Variants in ADH1A observed in about 807,000 individuals in gnomAD.
The protein encoded by ADH1A is alcohol dehydrogenase 1A (class I), alpha polypeptide, also known as alcohol dehydrogenase 1A.
ADH1A carries 29 observed loss-of-function variants against 35.2 expected under a neutral mutation model. The observed-to-expected ratio is 0.82, with a 90% CI of 0.61 to 1.12. The LOEUF (loss-of-function observed/expected upper bound fraction) is 1.12. Ranked by LOEUF, ADH1A falls within the 50% of genes most tolerant of loss-of-function variation. ADH1A has a pLI of 0.00. For missense variants in ADH1A, 469 were observed against 464.7 expected (o/e 1.01, Z -0.09); for synonymous variants, 147 against 164.8 (o/e 0.89, Z 0.83).
rs752547387 is a variant in ADH1A at position 99,279,462 on chromosome 4, A to AT, written c.1066dup (p.Ile356AsnfsTer3). The AT allele has an allele frequency of 1.9e-6, 3 of 1,608,262 alleles. No individual in the cohort carries two copies. The South Asian group carries it at 3.4e-5, about 18-fold the overall frequency. On this transcript the variant is annotated frameshift_variant, in exon 8 of 9. Coordinates refer to ENST00000209668, the MANE Select transcript of ADH1A (RefSeq NM_000667.4). LOFTEE classifies it high-confidence loss of function. ...GTGAAGCAGGTCAAATCCTTCATTT[A>AT]TTTTTTCAAAAGGTAAAACATGGGT...
intron 1 of ADH1A, 130 bp from the exon 2 acceptor site, chr4:99,287,795 A>T (rs1733193132): frequency 2.2e-6 from 2 of 912,882 alleles, no homozygotes; most frequent in Non-Finnish European, 3.3e-6. Context: ...TATAGAAATG[A>T]TCACCTCTGA....
At chr4:99,284,972 G>A (rs1448417128) in intron 3 of ADH1A, among the ~76,000 whole-genome samples, 169 bp from the exon 4 acceptor site, 1 of 152,148 alleles carries the variant, frequency 6.6e-6, no homozygotes, top group African/African-American at 2.4e-5. Context: ...CCACAGCCTT[G>A]TTTCCAGTTT....
At chr4:99,289,169 T>A (rs1271079001) in intron 1 of ADH1A, among the ~76,000 whole-genome samples, 1 of 152,180 alleles carries the variant, frequency 6.6e-6, no homozygotes, top group East Asian at 1.9e-4. Flanking sequence ...AATGGCTGAG[T>A]AGTATTCCAT....
At chr4:99,285,604 ATTAG>A (rs1194079803) in intron 3 of ADH1A, among the ~76,000 whole-genome samples, 1 of 152,270 alleles carries the variant, frequency 6.6e-6, no homozygotes, top group East Asian at 1.9e-4. Context: ...TTTAGTAGTT[ATTAG>A]TTATTATTCA....
At chr4:99,282,958 TACAATCTTGAA>T (rs1560517855) in intron 5 of ADH1A, among the ~76,000 whole-genome samples, 2 of 152,198 alleles carry the variant, frequency 1.3e-5, no homozygotes, top group African/African-American at 2.4e-5. Context: ...TGGCAGTGAT[TACAATCTTGAA>T]GGGACTCTCG....
Position 99,284,430 on chromosome 4 carries a change from G to A in ADH1A, c.536C>T (p.Thr179Ile). The change falls in exon 5 of 9, where the codon ACT (threonine) becomes ATT (isoleucine). Residue 179 changes from threonine to isoleucine, a missense_variant. Thr to Ile is a moderately conservative substitution (Grantham distance 89, BLOSUM62 -1). Coordinates refer to ENST00000209668, the MANE Select transcript of ADH1A (RefSeq NM_000667.4). The part of the protein sequence containing the change: ...KVCLIGCGFS[T>I]GYGSAVNVAK... Reference sequence around the variant, plus strand: ...AACATTGACTGCAGACCCATAACCAGTTGAAAATCCACAGCCAATGAGACA... The same window carrying A: ...AACATTGACTGCAGACCCATAACCAATTGAAAATCCACAGCCAATGAGACA... 6.2e-7 allele frequency: 1 copy of A among 1,614,180 alleles called. No homozygotes were observed. The highest frequency in any genetic ancestry group is 1.1e-5 in the South Asian group (1 of 91,078).
intron 3 of ADH1A, 110 bp from the exon 4 acceptor site, chr4:99,284,913 T>G: frequency 1.0e-6 from 1 of 975,086 alleles, no homozygotes; most frequent in Admixed American, 2.5e-5. Context: ...TCTTTAAAAG[T>G]CTCCAAGAAA....
At position 99,280,225 on chromosome 4, in the gene ADH1A, C is replaced by A. The variant is rs777150687; in HGVS notation, c.883G>T (p.Val295Leu). 3.7e-6 allele frequency: 6 copies of A among 1,613,696 alleles called. No homozygotes were observed. Among genetic ancestry groups the A allele is most frequent in the Non-Finnish European group, 4.2e-6 (5 of 1,179,830 alleles). ...EACGTSVIVG[V>L]PPDSQNLSMN... is the part of the protein sequence containing the mutation. The stretch of plus-strand genomic sequence containing the variant: ...GAGAGGTTTTGGGAATCAGGAGGTA[C>A]CCCTACGATGACACTTGTGCCACAT... Residue 295 changes from valine to leucine, a missense_variant, in exon 7 of 9, where the codon GTA becomes TTA. Coordinates refer to ENST00000209668, the MANE Select transcript of ADH1A (RefSeq NM_000667.4).
intron 6 of ADH1A, chr4:99,282,134 A>T: frequency 1.1e-6 from 1 of 879,906 alleles, no homozygotes; most frequent in South Asian, 1.8e-5. Context: ...CTTTTCCTCT[A>T]GAGGAAATAT....
intron 5 of ADH1A, among the ~76,000 whole-genome samples, chr4:99,283,846 T>C (rs565472220): frequency 6.6e-6 from 1 of 152,290 alleles, no homozygotes; most frequent in African/African-American, 2.4e-5. Flanking sequence ...CAGTGAAATG[T>C]CATAATGAGT....
intron 1 of ADH1A, 106 bp from the exon 2 acceptor site, chr4:99,287,771 C>G (rs1164437749): frequency 1.6e-6 from 2 of 1,229,706 alleles, no homozygotes; most frequent in Non-Finnish European, 2.3e-6. Context: ...ATGTCTGGTA[C>G]CTAACAAGTG....
At chr4:99,290,633 C>T (rs866926394) in intron 1 of ADH1A, among the ~76,000 whole-genome samples, 9 of 152,106 alleles carry the variant, frequency 5.9e-5, no homozygotes, top group African/African-American at 1.9e-4. Context: ...AATAAATTAT[C>T]GCTTTACCGC....
chr4:99,285,753 A>G (rs1216851014), intron 3 of ADH1A, among the ~76,000 whole-genome samples: 1 of 151,990 alleles, frequency 6.6e-6, no homozygotes, highest in Non-Finnish European at 1.5e-5. Flanking sequence ...GCCTAAAGTG[A>G]TTTTTTAGAC....
rs1733027140 is a variant in ADH1A, at chr4:99,282,330, A to G, written c.828+16T>C. ...GTTGTAGAGGCAGAAATCTCAGGGCATGTCATGGTACATACCATGGTGTCA... is the reference window on the plus strand; with the variant it reads ...GTTGTAGAGGCAGAAATCTCAGGGCGTGTCATGGTACATACCATGGTGTCA... On this transcript the variant is annotated intron_variant, in intron 6 of 8. Transcript: ENST00000209668. The G allele has an allele frequency of 1.2e-6, 2 of 1,614,084 alleles. No homozygotes were observed. Among genetic ancestry groups the G allele is most frequent in the South Asian group, 1.1e-5 (1 of 91,088 alleles).
At position 99,286,990 on chromosome 4, in the gene ADH1A, T is replaced by A. The variant is rs572305117; in HGVS notation, c.121-2A>T. On this transcript the variant is annotated splice_acceptor_variant, in intron 2 of 8. Coordinates refer to ENST00000209668, the MANE Select transcript of ADH1A (RefSeq NM_000667.4). LOFTEE classifies it high-confidence loss of function. ...GCCACAGATTCCTACAGCCACCATC[T>A]ACAGAGTGAAGAGAAGATGTTTATA... is the stretch of plus-strand genomic sequence containing the variant. 6.2e-7 allele frequency: 1 copy of A among 1,612,780 alleles called. No homozygotes were observed. Among genetic ancestry groups the A allele is most frequent in the East Asian group, 2.2e-5 (1 of 44,872 alleles).
intron 7 of ADH1A, among the ~76,000 whole-genome samples, chr4:99,279,840 T>G (rs1732954338): frequency 6.6e-6 from 1 of 152,090 alleles, no homozygotes; most frequent in African/African-American, 2.4e-5. Context: ...TTGTCTAAAT[T>G]TGGGTGTAGA....
rs563897061 is a variant in ADH1A at position 99,288,809 on chromosome 4, T to G, written c.19-1144A>C. 5 of 152,298 alleles carry G rather than the reference T, an allele frequency of 3.3e-5. 1 individual carries two copies. Among genetic ancestry groups the G allele is most frequent in the African/African-American group, 1.2e-4 (5 of 41,554 alleles). The allele number at this position is 152,298 out of a possible 1,614,324, so 9.4% of individuals were successfully genotyped here. A position where few individuals can be genotyped will look rare whatever the true frequency, so the allele number is the denominator to read the frequency against. On this transcript the variant is annotated intron_variant, in intron 1 of 8. Transcript: ENST00000209668. Reference sequence around the variant, plus strand: ...CGGTGAGTTATTTGCATTATATTTATTTATAAAATTTATTTTTAATTTCAA... The same window carrying G: ...CGGTGAGTTATTTGCATTATATTTAGTTATAAAATTTATTTTTAATTTCAA...
Position 99,286,950 on chromosome 4 carries a change from C to T in ADH1A, c.159G>A (p.Val53=). The T allele has an allele frequency of 6.2e-7, 1 of 1,614,140 alleles. No homozygotes were observed. The highest frequency in any genetic ancestry group is 8.5e-7 in the Non-Finnish European group (1 of 1,179,990). ...AVGICGTDDH[V]VSGTMVTPLP... ...GTGGGGTCACCATGGTACCACTAAC[C>T]ACGTGGTCATCTGTGCCACAGATTC... The change falls in exon 3 of 9, where the codon GTG becomes GTA. Residue 53 remains valine, a synonymous_variant. Coordinates refer to ENST00000209668, the MANE Select transcript of ADH1A (RefSeq NM_000667.4).
In ADH1A at chr4:99,282,599, G is replaced by A; in HGVS notation, c.575C>T (p.Pro192Leu). Residue 192 changes from proline (P) to leucine (L), a missense_variant, in exon 6 of 9, where the codon CCA becomes CTA. Coordinates refer to ENST00000209668, the MANE Select transcript of ADH1A (RefSeq NM_000667.4). ...GCCAAACACAGCACAGGTAGAGCCT[G>A]GGGTGACCTGTGTTTTCAGAAAATG... is the stretch of plus-strand genomic sequence containing the variant. ...GSAVNVAKVT[P>L]GSTCAVFGLG... The A allele has an allele frequency of 6.2e-7, 1 of 1,611,190 alleles. No individual in the cohort carries two copies. The highest frequency in any genetic ancestry group is 8.5e-7 in the Non-Finnish European group (1 of 1,178,788).
Sources: allele counts gnomAD v4.1 joint callset (sites outside exome capture counted in the v4.1 genomes callset), GRCh38; gene constraint gnomAD v4.1.1; transcripts MANE v1.5; gene names NCBI Gene and HGNC (gene_info 2026-07-23, HGNC 2026-07-21).